ABCG1: variants seen among roughly 807,000 people sequenced by gnomAD.
The protein encoded by ABCG1 is ATP-binding cassette sub-family G member 1.
ABCG1 carries 29 observed loss-of-function variants against 69.2 expected under a neutral mutation model. That is an observed-to-expected ratio of 0.42 (90% CI 0.31 to 0.57). ABCG1 has a LOEUF of 0.57. Ranked by LOEUF, ABCG1 falls within the 20% of genes least tolerant of loss-of-function variation. ABCG1 has a pLI of 0.15. For synonymous variants in ABCG1, 370 were observed against 374.8 expected (o/e 0.99, Z 0.15); for missense variants, 718 against 898.1 (o/e 0.80, Z 2.56).
At chr21:42,228,144 C>A (rs1009565740) in intron 2 of ABCG1, among the ~76,000 whole-genome samples, 34 of 152,234 alleles carry the variant, frequency 2.2e-4, no homozygotes, top group Admixed American at 7.2e-4. Flanking sequence ...AGGGAGGAGC[C>A]CCAACTGTCC....
chr21:42,260,634 CTT>C (rs1351908241), intron 2 of ABCG1, among the ~76,000 whole-genome samples: 1 of 152,148 alleles, frequency 6.6e-6, no homozygotes, highest in Non-Finnish European at 1.5e-5. Flanking sequence ...CCCTCTCAGT[CTT>C]TGCACTCAGC....
chr21:42,263,900 G>C (rs1191850549), intron 2 of ABCG1, among the ~76,000 whole-genome samples: 1 of 152,244 alleles, frequency 6.6e-6, no homozygotes, highest in Non-Finnish European at 1.5e-5. Flanking sequence ...TGTTGCTCAA[G>C]GTTCATTTGT....
At chr21:42,242,718 C>T (rs535965996) in intron 2 of ABCG1, among the ~76,000 whole-genome samples, 2 of 152,276 alleles carry the variant, frequency 1.3e-5, no homozygotes, top group African/African-American at 4.8e-5. Flanking sequence ...TTTCCACATC[C>T]CAGTCCTTTA....
At chr21:42,250,021 TGA>T (rs957693579) in intron 2 of ABCG1, among the ~76,000 whole-genome samples, 1 of 130,252 alleles carries the variant, frequency 7.7e-6, no homozygotes, top group Non-Finnish European at 1.6e-5. Context: ...AAAAAAAAAG[TGA>T]GAGGGGGATG....
intron 2 of ABCG1, among the ~76,000 whole-genome samples, chr21:42,268,191 G>C (rs2068548497): frequency 6.6e-6 from 1 of 152,236 alleles, no homozygotes; most frequent in Admixed American, 6.5e-5. Flanking sequence ...CACAAGGACA[G>C]GGAGGCAGGT....
At chr21:42,289,115 A>G (rs886312723) in intron 10 of ABCG1, among the ~76,000 whole-genome samples, 2 of 152,336 alleles carry the variant, frequency 1.3e-5, no homozygotes, top group East Asian at 3.9e-4. Flanking sequence ...CTTTCAAATT[A>G]CTTTTCTTCT....
At chr21:42,261,195 C>A (rs191964501) in intron 2 of ABCG1, among the ~76,000 whole-genome samples, 1,746 of 151,884 alleles carry the variant, frequency 0.011, 14 homozygotes, top group Non-Finnish European at 0.016. Context: ...TCCTCCTTCC[C>A]CCTCTCCACC....
chr21:42,242,011 GT>G (rs1245268111), intron 2 of ABCG1, among the ~76,000 whole-genome samples: 3 of 150,772 alleles, frequency 2.0e-5, no homozygotes, highest in Admixed American at 2.0e-4. Context: ...TCCCCATGGT[GT>G]TTTTGGTTAC....
At chr21:42,248,515 ACCT>A (rs1447437331) in intron 2 of ABCG1, among the ~76,000 whole-genome samples, 1 of 152,178 alleles carries the variant, frequency 6.6e-6, no homozygotes, top group Admixed American at 6.5e-5. Context: ...TTTCACTTCG[ACCT>A]GAATACAGCG....
At chr21:42,239,051 C>A (rs758879249) in intron 2 of ABCG1, among the ~76,000 whole-genome samples, 1 of 152,160 alleles carries the variant, frequency 6.6e-6, no homozygotes, top group Non-Finnish European at 1.5e-5. Context: ...TTAAAATTTT[C>A]TTTCTCCCGC....
chr21:42,251,897 C>T (rs908096250), intron 2 of ABCG1, among the ~76,000 whole-genome samples: 1 of 152,194 alleles, frequency 6.6e-6, no homozygotes, highest in African/African-American at 2.4e-5. Flanking sequence ...AGCACAGAGC[C>T]GAGGCCCAAG....
Position 42,219,431 on chromosome 21 carries a change from G to A in ABCG1, c.42+127G>A, listed in dbSNP as rs1398203997. The A allele has an allele frequency of 7.3e-7, 1 of 1,367,844 alleles. No individual in the cohort carries two copies. The highest frequency in any genetic ancestry group is 9.7e-7 in the Non-Finnish European group (1 of 1,032,662). 84.7% of individuals were successfully genotyped at this position (1,367,844 alleles called of 1,614,324 possible). On this transcript the variant is annotated intron_variant, in intron 1 of 14. Transcript: ENST00000398449. The surrounding 1 kb of genome is among the most constrained non-coding windows in gnomAD (Gnocchi z 5.3). ...GCGCGTCCTCTGGGCGCTGACCCAGGGCACCCTAGAGTGGCGCCCGGCTCC... is the reference window on the plus strand; with the variant it reads ...GCGCGTCCTCTGGGCGCTGACCCAGAGCACCCTAGAGTGGCGCCCGGCTCC...
rs148099464 is a variant in ABCG1 at position 42,245,343 on chromosome 21, AATT to A, written c.286+19434_286+19436del. 8.9e-3 allele frequency among the ~76,000 whole-genome samples: 1,348 copies of A among 152,306 alleles called. 17 individuals carry two copies. Among genetic ancestry groups the A allele is most frequent in the African/African-American group, 0.031 (1,285 of 41,562 alleles). Reference sequence around the variant, plus strand: ...GGGTTGTGGTTTTTGTAGTTATAAAAATTATTAAGGAACCAGAAAATTGCATTC... The same window carrying A: ...GGGTTGTGGTTTTTGTAGTTATAAAAATTAAGGAACCAGAAAATTGCATTC... On this transcript the variant is annotated intron_variant, in intron 2 of 14. Coordinates refer to ENST00000398449, the MANE Select transcript of ABCG1 (RefSeq NM_016818.3).
At chr21:42,213,625 T>A (rs2067610700), upstream of ABCG1, among the ~76,000 whole-genome samples, 1 of 152,240 alleles carries the variant, frequency 6.6e-6, no homozygotes. Context: ...AGCTGCAGTA[T>A]GGGCTGTGCC....
chr21:42,254,285 C>A (rs535823264), intron 2 of ABCG1, among the ~76,000 whole-genome samples: 2 of 152,172 alleles, frequency 1.3e-5, no homozygotes, highest in African/African-American at 4.8e-5. Flanking sequence ...GCACAGCATC[C>A]GTTCGAAATC....
chr21:42,257,356 G>T (rs1164950769), intron 2 of ABCG1, among the ~76,000 whole-genome samples: 1 of 152,224 alleles, frequency 6.6e-6, no homozygotes, highest in Non-Finnish European at 1.5e-5. Flanking sequence ...CATGGCACCC[G>T]CAGCCTCTGC....
upstream of ABCG1, chr21:42,215,981 T>C: frequency 4.3e-6 from 1 of 234,802 alleles, no homozygotes; most frequent in South Asian, 4.1e-5. Context: ...TTCCCACATG[T>C]TGTAGGAAGG....
chr21:42,284,810 G>C, intron 7 of ABCG1, 127 bp downstream of exon 7: 3 of 1,285,826 alleles, frequency 2.3e-6, no homozygotes, highest in Non-Finnish European at 3.2e-6. Flanking sequence ...CCAAACCCTG[G>C]GTACCCACAG....
At chr21:42,289,945 T>C in intron 10 of ABCG1, 105 bp from the exon 11 acceptor site, 3 of 1,318,930 alleles carry the variant, frequency 2.3e-6, no homozygotes, top group Non-Finnish European at 1.1e-6. Context: ...AGACGTGCTG[T>C]CACAGAGTTC....
Sources: allele counts gnomAD v4.1 joint callset (sites outside exome capture counted in the v4.1 genomes callset), GRCh38; gene constraint gnomAD v4.1.1; non-coding constraint Gnocchi (gnomAD v3.1); transcripts MANE v1.5; gene names NCBI Gene and HGNC (gene_info 2026-07-23, HGNC 2026-07-21).